BMPR1B: variants seen among roughly 807,000 people sequenced by gnomAD.
BMPR1B encodes bone morphogenetic protein receptor type 1B, also known as bone morphogenetic protein receptor type-1B.
BMPR1B carries 12 observed loss-of-function variants against 59.1 expected under a neutral mutation model. The ratio of observed to expected loss-of-function variants is 0.20; its 90% CI spans 0.13 to 0.33. The LOEUF is 0.33. Ranked by LOEUF, BMPR1B falls within the 10% of genes least tolerant of loss-of-function variation. The pLI is 1.00. For missense variants in BMPR1B, 550 were observed against 610.9 expected (o/e 0.90, Z 1.05); for synonymous variants, 237 against 207.3 (o/e 1.14, Z -1.23).
intron 6 of BMPR1B, 115 bp from the exon 7 acceptor site, chr4:95,123,695 G>A (rs766722803): frequency 2.5e-6 from 2 of 810,438 alleles, no homozygotes; most frequent in Non-Finnish European, 2.0e-6. Context: ...TATGTGAAAA[G>A]GATCTTTCAC....
intron 3 of BMPR1B, among the ~76,000 whole-genome samples, chr4:95,025,797 T>G (rs1331042350): frequency 6.6e-6 from 1 of 152,206 alleles, no homozygotes; most frequent in African/African-American, 2.4e-5. Flanking sequence ...AAAGTCTTAG[T>G]TCACTAGAAT....
chr4:95,132,102 G>A (rs1733401392), intron 10 of BMPR1B, among the ~76,000 whole-genome samples: 1 of 152,034 alleles, frequency 6.6e-6, no homozygotes, highest in Non-Finnish European at 1.5e-5. Flanking sequence ...ATGATAGTTG[G>A]GACTCTATTT....
intron 3 of BMPR1B, among the ~76,000 whole-genome samples, chr4:95,028,459 T>A (rs781528983): frequency 1.1e-4 from 17 of 152,158 alleles, no homozygotes; most frequent in Non-Finnish European, 2.5e-4. Flanking sequence ...TGGATATTCA[T>A]GTGCAGTGAA....
intron 2 of BMPR1B, among the ~76,000 whole-genome samples, chr4:94,895,097 T>C (rs1727536881): frequency 6.6e-6 from 1 of 152,054 alleles, no homozygotes; most frequent in Non-Finnish European, 1.5e-5. Flanking sequence ...GATAGTACCA[T>C]GTTCAACTTT....
chr4:94,814,851 G>T (rs2110644247), intron 1 of BMPR1B, among the ~76,000 whole-genome samples: 1 of 151,894 alleles, frequency 6.6e-6, no homozygotes, highest in South Asian at 2.1e-4. Flanking sequence ...TTTTAAAAAA[G>T]GTATTTTAAC....
At chr4:94,904,749 GAT>G (rs1252201543) in intron 2 of BMPR1B, among the ~76,000 whole-genome samples, 59 of 151,970 alleles carry the variant, frequency 3.9e-4, no homozygotes, top group African/African-American at 1.4e-3. Context: ...ATATGAAAAA[GAT>G]TGGTTTTGAA....
chr4:95,098,474 G>A (rs1216354364), intron 3 of BMPR1B, among the ~76,000 whole-genome samples: 1 of 152,056 alleles, frequency 6.6e-6, no homozygotes, highest in Non-Finnish European at 1.5e-5. Flanking sequence ...AGATAAAACA[G>A]TGCAGTTTCT....
In BMPR1B at chr4:95,129,981, C is replaced by G. The variant is rs56083112; in HGVS notation, c.705C>G (p.Thr235=). ...GEKVAVKVFF[T]TEEASWFRET... ...AGGTAGCTGTGAAAGTGTTCTTCAC[C>G]ACAGAGGAAGCCAGCTGGTTCAGAG... is the stretch of plus-strand genomic sequence containing the variant. The change falls in exon 9 of 13, where the codon ACC becomes ACG. Residue 235 remains threonine (T), a synonymous_variant. Coordinates refer to ENST00000515059, the MANE Select transcript of BMPR1B (RefSeq NM_001203.3). The G allele has an allele frequency of 1.2e-6, 2 of 1,613,796 alleles. No individual in the cohort carries two copies. The highest frequency in any genetic ancestry group is 3.3e-5 in the Admixed American group (2 of 59,948).
intron 1 of BMPR1B, among the ~76,000 whole-genome samples, chr4:94,836,194 A>G (rs369921151): frequency 7.3e-5 from 11 of 150,520 alleles, no homozygotes; most frequent in African/African-American, 2.0e-4. Context: ...AGTCTTTGCT[A>G]TTGTGAATAG....
intron 4 of BMPR1B, among the ~76,000 whole-genome samples, chr4:95,113,288 A>T (rs750318393): frequency 6.6e-6 from 1 of 152,118 alleles, no homozygotes. Flanking sequence ...TAAGAGAGGG[A>T]TTTATCATTG....
intron 3 of BMPR1B, among the ~76,000 whole-genome samples, chr4:95,076,336 A>G (rs190556107): frequency 6.6e-6 from 1 of 152,226 alleles, no homozygotes; most frequent in African/African-American, 2.4e-5. Context: ...TAAAACTACT[A>G]TGAAAAGTTA....
rs754011442 is a variant in BMPR1B at position 94,925,637 on chromosome 4, A to T, written c.-113+49737A>T. 4.1e-4 allele frequency among the ~76,000 whole-genome samples: 63 copies of T among 152,286 alleles called. 1 individual carries two copies. The highest frequency in any genetic ancestry group is 7.9e-4 in the Non-Finnish European group (54 of 68,024). On this transcript the variant is annotated intron_variant, in intron 2 of 12. Coordinates refer to ENST00000515059, the MANE Select transcript of BMPR1B (RefSeq NM_001203.3). The stretch of plus-strand genomic sequence containing the variant: ...AAGAGCACATGCCTTAAAAATTCTA[A>T]GTCCATATAAAATCCACATGTAAAG...
chr4:95,051,715 G>A (rs1452675151), intron 3 of BMPR1B: 6 of 1,535,628 alleles, frequency 3.9e-6, no homozygotes, highest in Admixed American at 3.9e-5. Flanking sequence ...TTGGCTGGAA[G>A]AACTAAACTG....
At chr4:94,766,965 T>C (rs886355819) in intron 1 of BMPR1B, among the ~76,000 whole-genome samples, 1 of 152,144 alleles carries the variant, frequency 6.6e-6, no homozygotes, top group Non-Finnish European at 1.5e-5. Context: ...TTATTTTAAG[T>C]ATTCTCGGAA....
chr4:95,158,278 A>G lies in BMPR1B; in HGVS notation c.*3605A>G, dbSNP rs760084321. On this transcript the variant is annotated 3_prime_UTR_variant, in exon 13 of 13. Coordinates refer to ENST00000515059, the MANE Select transcript of BMPR1B (RefSeq NM_001203.3). ...TAGGGGTTTCGTTGTCTGTTTCACA[A>G]GAAGACTCATTTGTTCTTTTGGGGG... 6.6e-6 allele frequency: 1 copy of G among 152,218 alleles called. No individual in the cohort carries two copies. Among genetic ancestry groups the G allele is most frequent in the Non-Finnish European group, 1.5e-5 (1 of 68,030 alleles). The allele number at this position is 152,218 out of a possible 1,614,324, so 9.4% of individuals were successfully genotyped here.
At chr4:95,050,074 G>T (rs1411611860) in intron 3 of BMPR1B, among the ~76,000 whole-genome samples, 1 of 152,018 alleles carries the variant, frequency 6.6e-6, no homozygotes, top group Non-Finnish European at 1.5e-5. Flanking sequence ...TTCCAAATTG[G>T]CAGTGGAACC....
chr4:95,098,605 A>G (rs753506876), intron 3 of BMPR1B, among the ~76,000 whole-genome samples: 1 of 151,342 alleles, frequency 6.6e-6, no homozygotes, highest in Non-Finnish European at 1.5e-5. Context: ...GCATCTTACC[A>G]TCTTTCTTTT....
At chr4:95,120,610 TTTCCTTCCTTCCTTCC>T (rs777085969) in intron 6 of BMPR1B, among the ~76,000 whole-genome samples, 3,512 of 122,656 alleles carry the variant, frequency 0.029, 167 homozygotes, top group African/African-American at 0.098. Flanking sequence ...ATAGCCTGCC[TTTCCTTCCTTCCTTCC>T]TTCCTTCCTT....
chr4:95,070,566 G>C lies in BMPR1B; in HGVS notation c.-17-33842G>C, dbSNP rs569910013. ...CTTAGTGTCACTAAGATGCTTGGTA[G>C]TCAGTTGAGTGTGTTGGCCTAGGGC... On this transcript the variant is annotated intron_variant, in intron 3 of 12. Coordinates refer to ENST00000515059, the MANE Select transcript of BMPR1B (RefSeq NM_001203.3). 2.0e-5 allele frequency among the ~76,000 whole-genome samples: 3 copies of C among 152,244 alleles called. No homozygotes were observed. In the South Asian group the frequency reaches 6.2e-4, roughly 32 times the overall value.
Sources: gnomAD v4.1 joint callset for allele counts (sites outside exome capture counted in the v4.1 genomes callset) on GRCh38, gnomAD v4.1.1 for gene constraint, MANE v1.5 for transcripts, NCBI Gene and HGNC (gene_info 2026-07-23, HGNC 2026-07-21) for gene names.